ARHGAP20: variants seen among roughly 807,000 people sequenced by gnomAD.
ARHGAP20 encodes rho GTPase-activating protein 20.
Under a neutral mutation model 73.7 loss-of-function variants are expected in ARHGAP20, and 34 were observed. That is an observed-to-expected ratio of 0.46 (90% CI 0.35 to 0.61). The LOEUF (loss-of-function observed/expected upper bound fraction) is 0.61, where lower values mean the gene tolerates loss of function less well. Among genes scored for constraint, ARHGAP20 ranks in the 20% least tolerant of loss-of-function variants. The pLI, the probability that ARHGAP20 is intolerant of heterozygous loss-of-function variation, is 0.00. For synonymous variants in ARHGAP20, 523 were observed against 518.2 expected, an observed-to-expected ratio of 1.01 and a Z score of -0.13; for missense variants, 1,314 against 1,420.9, an observed-to-expected ratio of 0.92 and a Z score of 1.21.
At position 110,579,604 on chromosome 11, in the gene ARHGAP20, G is replaced by C. The variant is rs372534511; in HGVS notation, c.3342C>G (p.Pro1114=). Residue 1114 remains proline, a synonymous_variant, in exon 15 of 15, where the codon CCC becomes CCG. Transcript: ENST00000683387. Reference sequence around the variant, plus strand: ...TACAGTGTCTCTCTGAGTCCTGGAAGGGAGAAGAACTACACCTTTGGGCTG... The same window carrying C: ...TACAGTGTCTCTCTGAGTCCTGGAACGGAGAAGAACTACACCTTTGGGCTG... The part of the protein sequence containing the change: ...VQSAQRCSSS[P]FQDSERHCSS... 2 of 1,614,124 alleles carry C rather than the reference G, an allele frequency of 1.2e-6. No homozygotes were observed. Among genetic ancestry groups the C allele is most frequent in the Non-Finnish European group, 8.5e-7 (1 of 1,179,960 alleles).
intron 2 of ARHGAP20, among the ~76,000 whole-genome samples, chr11:110,651,246 G>C (rs1443519355): frequency 6.6e-6 from 1 of 152,054 alleles, no homozygotes; most frequent in Non-Finnish European, 1.5e-5. Flanking sequence ...AGTGATAAAA[G>C]GGAAATTTAT....
At chr11:110,666,842 A>G (rs1227742945) in intron 2 of ARHGAP20, among the ~76,000 whole-genome samples, 1 of 152,250 alleles carries the variant, frequency 6.6e-6, no homozygotes, top group East Asian at 1.9e-4. Context: ...AACGTGATAT[A>G]GCCTTATTGC....
intron 1 of ARHGAP20, among the ~76,000 whole-genome samples, chr11:110,702,278 CA>C (rs1315943944): frequency 6.6e-6 from 1 of 152,060 alleles, no homozygotes; most frequent in Non-Finnish European, 1.5e-5. Context: ...GAACCAAAGA[CA>C]AAAACCACAT....
chr11:110,684,875 ACAG>A (rs1950101597), intron 2 of ARHGAP20, among the ~76,000 whole-genome samples: 1 of 151,994 alleles, frequency 6.6e-6, no homozygotes, highest in African/African-American at 2.4e-5. Flanking sequence ...AAACAATGGG[ACAG>A]AAACATGAAA....
At chr11:110,614,494 T>G in intron 6 of ARHGAP20, 67 bp downstream of exon 6, 1 of 1,429,334 alleles carries the variant, frequency 7.0e-7, no homozygotes, top group African/African-American at 1.4e-5. Flanking sequence ...CTCTCTCTCT[T>G]CTTATCCGTA....
intron 14 of ARHGAP20, among the ~76,000 whole-genome samples, chr11:110,581,560 A>G (rs550935690): frequency 6.6e-6 from 1 of 152,194 alleles, no homozygotes; most frequent in Admixed American, 6.5e-5. Context: ...TCTGCCTTCT[A>G]ACAGATTGCT....
chr11:110,578,223 A>G lies in ARHGAP20; in HGVS notation c.*1147T>C. 1.0e-6 allele frequency: 1 copy of G among 985,470 alleles called. No individual in the cohort carries two copies. The highest frequency in any genetic ancestry group is 1.2e-6 in the Non-Finnish European group (1 of 829,944). 61.0% of individuals were successfully genotyped at this position (985,470 alleles called of 1,614,324 possible). On this transcript the variant is annotated 3_prime_UTR_variant, in exon 15 of 15. Coordinates refer to ENST00000683387, the MANE Select transcript of ARHGAP20 (RefSeq NM_001384657.1). The stretch of plus-strand genomic sequence containing the variant: ...GAAACATTTGGGGCAAAAATATGGA[A>G]CAACGTCTGGAAGCAAAACCCAAAG...
At chr11:110,598,660 T>C (rs1458571005) in intron 9 of ARHGAP20, among the ~76,000 whole-genome samples, 2 of 152,220 alleles carry the variant, frequency 1.3e-5, no homozygotes, top group Non-Finnish European at 2.9e-5. Context: ...CTAGAAGTAG[T>C]GATGGCAGCA....
chr11:110,653,463 A>G (rs1949400212), intron 2 of ARHGAP20, among the ~76,000 whole-genome samples: 1 of 152,232 alleles, frequency 6.6e-6, no homozygotes, highest in Admixed American at 6.5e-5. Flanking sequence ...TAACAAACTT[A>G]TGAAAAAAAG....
rs1944735 is a variant in ARHGAP20, at chr11:110,678,583, A to G, written c.188+11964T>C. Among the ~76,000 whole-genome samples, 268 of 152,280 alleles carry G rather than the reference A, an allele frequency of 1.8e-3. 3 individuals carry two copies. Among genetic ancestry groups the G allele is most frequent in the African/African-American group, 5.9e-3 (247 of 41,562 alleles). ...AAGCTAGTTTCATAACTTGAAGATT[A>G]CTCTATTGATTTATTGCTGCAATAA... On this transcript the variant is annotated intron_variant, in intron 2 of 14. Transcript: ENST00000683387.
intron 2 of ARHGAP20, among the ~76,000 whole-genome samples, chr11:110,664,489 G>A (rs1281779610): frequency 6.6e-6 from 1 of 152,206 alleles, no homozygotes; most frequent in Non-Finnish European, 1.5e-5. Context: ...AGCACTTTGG[G>A]AGGCTAAGGC....
rs1947394360 is a variant in ARHGAP20 at position 110,579,838 on chromosome 11, T to C, written c.3108A>G (p.Thr1036=). The change falls in exon 15 of 15, where the codon ACA becomes ACG. Residue 1036 remains threonine, a synonymous_variant. Coordinates refer to ENST00000683387, the MANE Select transcript of ARHGAP20 (RefSeq NM_001384657.1). ...QMHSVTLHPS[T]WLRNGVASLK... ...AACTGGCCACACCATTTCTCAACCA[T>C]GTGCTGGGATGAAGAGTTACAGAAT... 1 of 1,614,180 alleles carries C rather than the reference T, an allele frequency of 6.2e-7. No individual in the cohort carries two copies. The highest frequency in any genetic ancestry group is 8.5e-7 in the Non-Finnish European group (1 of 1,180,022).
At chr11:110,593,212 T>C (rs949090227) in intron 9 of ARHGAP20, among the ~76,000 whole-genome samples, 38 of 152,106 alleles carry the variant, frequency 2.5e-4, no homozygotes, top group African/African-American at 8.9e-4. Flanking sequence ...AAAGACAACA[T>C]GAAAAAGAAC....
rs1442046477 is a variant in ARHGAP20 at position 110,712,175 on chromosome 11, A to C, written c.57T>G (p.Ser19=). 1 of 1,368,414 alleles carries C rather than the reference A, an allele frequency of 7.3e-7. No homozygotes were observed. The highest frequency in any genetic ancestry group is 2.8e-5 in the East Asian group (1 of 35,528). The allele number at this position is 1,368,414 out of a possible 1,614,324, so 84.8% of individuals were successfully genotyped here. The part of the protein sequence containing the change: ...ETLGGQPGRS[S]SLTGVSRLAG... ...CGAGCCGAGACACTCCTGTCAGGGA[A>C]GAGGAGCGCCCCGGCTGTCCCCCTA... is the stretch of plus-strand genomic sequence containing the variant. Residue 19 remains serine (S), a synonymous_variant, in exon 1 of 15, where the codon TCT becomes TCG. Coordinates refer to ENST00000683387, the MANE Select transcript of ARHGAP20 (RefSeq NM_001384657.1).
intron 2 of ARHGAP20, among the ~76,000 whole-genome samples, chr11:110,676,688 G>T (rs1301673203): frequency 6.6e-6 from 1 of 151,964 alleles, no homozygotes; most frequent in Non-Finnish European, 1.5e-5. Context: ...AATTTTTTTT[G>T]TACCTCCTTG....
chr11:110,703,236 G>A (rs890342398), intron 1 of ARHGAP20, among the ~76,000 whole-genome samples: 1 of 152,116 alleles, frequency 6.6e-6, no homozygotes, highest in Non-Finnish European at 1.5e-5. Flanking sequence ...ATGAATATAT[G>A]TTCCTTTCTG....
At chr11:110,683,543 T>C (rs1364185330) in intron 2 of ARHGAP20, among the ~76,000 whole-genome samples, 1 of 152,190 alleles carries the variant, frequency 6.6e-6, no homozygotes, top group Non-Finnish European at 1.5e-5. Context: ...ACAGCAAGTA[T>C]GTACAAGGTA....
At chr11:110,681,094 A>G (rs1472934384) in intron 2 of ARHGAP20, among the ~76,000 whole-genome samples, 25 of 152,204 alleles carry the variant, frequency 1.6e-4, no homozygotes, top group Admixed American at 1.6e-3. Context: ...TCTCTCAAAT[A>G]AAAACCTCAC....
At chr11:110,639,942 T>C (rs1297044571) in intron 2 of ARHGAP20, among the ~76,000 whole-genome samples, 4 of 152,010 alleles carry the variant, frequency 2.6e-5, no homozygotes, top group Admixed American at 2.0e-4. Context: ...TTTGAGTACA[T>C]ACCCAGGAGT....
Sources: allele counts gnomAD v4.1 joint callset (sites outside exome capture counted in the v4.1 genomes callset), GRCh38; gene constraint gnomAD v4.1.1; transcripts MANE v1.5; gene names NCBI Gene and HGNC (gene_info 2026-07-23, HGNC 2026-07-21).